The following SLC9A9 variants were observed in gnomAD, a reference collection of about 807,000 sequenced individuals.
SLC9A9 encodes the protein solute carrier family 9 member A9.
Under a neutral mutation model 77.8 loss-of-function variants are expected in SLC9A9, and 62 were observed. That is an observed-to-expected ratio of 0.80 (90% CI 0.65 to 0.98). The LOEUF (loss-of-function observed/expected upper bound fraction) is 0.98, where lower values mean the gene tolerates loss of function less well. SLC9A9 is among the 50% of genes least tolerant of loss of function. The pLI is 0.00. For missense variants in SLC9A9, 775 were observed against 774.9 expected (o/e 1.00, Z 0.00); for synonymous variants, 320 against 283.5 (o/e 1.13, Z -1.29).
intron 13 of SLC9A9, among the ~76,000 whole-genome samples, chr3:143,368,049 A>C (rs1043626704): frequency 3.3e-5 from 5 of 152,188 alleles, no homozygotes; most frequent in African/African-American, 1.2e-4. Context: ...AGATACTCTA[A>C]GCAGCAGAAT....
intron 14 of SLC9A9, among the ~76,000 whole-genome samples, chr3:143,317,333 C>T: frequency 6.6e-6 from 1 of 152,142 alleles, no homozygotes; most frequent in Non-Finnish European, 1.5e-5. Context: ...GGAGCTACTG[C>T]TCCTGCACAA....
intron 5 of SLC9A9, among the ~76,000 whole-genome samples, chr3:143,675,189 CCACCTTGAATTTTCCCTG>C (rs2039218273): frequency 6.6e-6 from 1 of 152,176 alleles, no homozygotes; most frequent in South Asian, 2.1e-4. Flanking sequence ...GCTTAAGTGG[CCACCTTGAATTTTCCCTG>C]CACATCAGAA....
intron 9 of SLC9A9, among the ~76,000 whole-genome samples, chr3:143,544,525 T>C (rs2108632865): frequency 6.6e-6 from 1 of 152,294 alleles, no homozygotes; most frequent in Non-Finnish European, 1.5e-5. Context: ...GTTGTTTTTT[T>C]GCTCATTTAG....
At chr3:143,321,526 T>C (rs1397177388) in intron 14 of SLC9A9, among the ~76,000 whole-genome samples, 1 of 152,198 alleles carries the variant, frequency 6.6e-6, no homozygotes, top group East Asian at 1.9e-4. Context: ...CAGCTCTTCA[T>C]TGGCTGCCTT....
At chr3:143,401,256 T>C (rs1029115383) in intron 12 of SLC9A9, among the ~76,000 whole-genome samples, 1 of 152,148 alleles carries the variant, frequency 6.6e-6, no homozygotes, top group Non-Finnish European at 1.5e-5. Flanking sequence ...AGCTCCTTAA[T>C]CCCTCTCTAT....
At chr3:143,648,142 C>T (rs1400012870) in intron 6 of SLC9A9, among the ~76,000 whole-genome samples, 1 of 152,072 alleles carries the variant, frequency 6.6e-6, no homozygotes, top group African/African-American at 2.4e-5. Flanking sequence ...ATTTATTACT[C>T]AGAATAGTTT....
At chr3:143,778,561 G>T (rs764652808) in intron 4 of SLC9A9, among the ~76,000 whole-genome samples, 3 of 151,888 alleles carry the variant, frequency 2.0e-5, no homozygotes, top group Non-Finnish European at 4.4e-5. Flanking sequence ...CAACTAGAAG[G>T]CAAGGAGGAA....
At chr3:143,663,576 T>A (rs1488555700) in intron 5 of SLC9A9, among the ~76,000 whole-genome samples, 1 of 152,140 alleles carries the variant, frequency 6.6e-6, no homozygotes, top group Non-Finnish European at 1.5e-5. Context: ...TGAAAAAAGA[T>A]TAGATGAATG....
intron 14 of SLC9A9, among the ~76,000 whole-genome samples, chr3:143,348,855 G>A (rs2032373371): frequency 6.6e-6 from 1 of 152,110 alleles, no homozygotes; most frequent in Admixed American, 6.6e-5. Flanking sequence ...AAACAAGGAG[G>A]GGCATTTCCT....
intron 1 of SLC9A9, among the ~76,000 whole-genome samples, chr3:143,844,434 A>G (rs2009778576): frequency 6.6e-6 from 1 of 152,202 alleles, no homozygotes; most frequent in Non-Finnish European, 1.5e-5. Context: ...AATAGGCTGA[A>G]GTATTATAGG....
intron 1 of SLC9A9, among the ~76,000 whole-genome samples, chr3:143,834,701 T>A (rs970673426): frequency 1.3e-5 from 2 of 151,336 alleles, no homozygotes; most frequent in Admixed American, 6.6e-5. Flanking sequence ...TGGTGCCTAG[T>A]GTGGTTAAAT....
chr3:143,782,380 G>A (rs1178646423), intron 4 of SLC9A9, among the ~76,000 whole-genome samples: 1 of 152,174 alleles, frequency 6.6e-6, no homozygotes, highest in African/African-American at 2.4e-5. Context: ...CTGGGGTGAG[G>A]CTTGAAACTC....
chr3:143,472,435 T>C (rs2035394458), intron 11 of SLC9A9, among the ~76,000 whole-genome samples: 1 of 152,168 alleles, frequency 6.6e-6, no homozygotes, highest in Non-Finnish European at 1.5e-5. Context: ...TATGCCCAAA[T>C]CTTTTTTTCT....
chr3:143,317,806 C>G (rs142156902), intron 14 of SLC9A9, among the ~76,000 whole-genome samples: 2,178 of 152,318 alleles, frequency 0.014, 49 homozygotes, highest in African/African-American at 0.049. Context: ...TGGCTCACTG[C>G]AAGCTCTGCC....
At position 143,331,348 on chromosome 3, in the gene SLC9A9, G is replaced by C. The variant is rs16853446; in HGVS notation, c.1604+32136C>G. ...GGAGCTAGATGCATGCTACTCTGCA[G>C]GGCTGCCTTAAAGTATCCTGTGTAA... On this transcript the variant is annotated intron_variant, in intron 14 of 15. Coordinates refer to ENST00000316549, the MANE Select transcript of SLC9A9 (RefSeq NM_173653.4). Among the ~76,000 whole-genome samples the C allele has an allele frequency of 8.8e-3, 1,336 of 152,276 alleles. 17 individuals are homozygous for C. The highest frequency in any genetic ancestry group is 0.03 in the African/African-American group (1,233 of 41,552).
At chr3:143,420,438 T>C (rs896926278) in intron 12 of SLC9A9, among the ~76,000 whole-genome samples, 4 of 152,222 alleles carry the variant, frequency 2.6e-5, no homozygotes, top group African/African-American at 7.2e-5. Context: ...TCTACCATCC[T>C]AGTTCTGCCT....
chr3:143,335,909 G>A (rs1232120925), intron 14 of SLC9A9, among the ~76,000 whole-genome samples: 2 of 151,992 alleles, frequency 1.3e-5, no homozygotes, highest in Admixed American at 6.6e-5. Context: ...ATAGACAAAT[G>A]GTACTACATC....
chr3:143,597,144 T>C (rs916149132), intron 6 of SLC9A9, among the ~76,000 whole-genome samples: 3 of 152,236 alleles, frequency 2.0e-5, no homozygotes, highest in African/African-American at 4.8e-5. Context: ...CAGGCGAGTA[T>C]GAGTCAGCAA....
chr3:143,266,122 C>A lies in SLC9A9; in HGVS notation c.*580G>T. On this transcript the variant is annotated 3_prime_UTR_variant, in exon 16 of 16. Coordinates refer to ENST00000316549, the MANE Select transcript of SLC9A9 (RefSeq NM_173653.4). ...AGGATGCCAAGAAGAACAATAGGTT[C>A]TTCAACTCAGTGTGGGCTCTGGGAA... is the stretch of plus-strand genomic sequence containing the variant. The A allele has an allele frequency of 1.4e-6, 1 of 702,174 alleles. No individual in the cohort carries two copies. Among genetic ancestry groups the A allele is most frequent in the South Asian group, 1.5e-5 (1 of 67,494 alleles). The allele number at this position is 702,174 out of a possible 1,614,324, so 43.5% of individuals were successfully genotyped here. A position where few individuals can be genotyped will look rare whatever the true frequency, so the allele number is the denominator to read the frequency against.
Sources: gnomAD v4.1 joint callset for allele counts (sites outside exome capture counted in the v4.1 genomes callset) on GRCh38, gnomAD v4.1.1 for gene constraint, MANE v1.5 for transcripts, NCBI Gene and HGNC (gene_info 2026-07-23, HGNC 2026-07-21) for gene names.